Variants in ALS2 observed in about 807,000 individuals in gnomAD.
ALS2 encodes alsin Rho guanine nucleotide exchange factor ALS2, also known as alsin.
Under a neutral mutation model 203.4 loss-of-function variants are expected in ALS2, and 117 were observed. The ratio of observed to expected loss-of-function variants is 0.58; its 90% CI spans 0.50 to 0.67. ALS2 has a LOEUF of 0.67. ALS2 is among the 30% of genes least tolerant of loss of function. The pLI is 0.00. For missense variants in ALS2, 1,715 were observed against 1,989.4 expected, an observed-to-expected ratio of 0.86 and a Z score of 2.62; for synonymous variants, 718 against 725.9, an observed-to-expected ratio of 0.99 and a Z score of 0.17.
intron 21 of ALS2, 65 bp from the exon 22 acceptor site, chr2:201,723,506 T>A: frequency 2.2e-6 from 3 of 1,364,274 alleles, no homozygotes; most frequent in Non-Finnish European, 3.1e-6. Context: ...AAAAGACAAT[T>A]ATCACATGGG....
At chr2:201,713,814 T>C (rs1370398880) in intron 25 of ALS2, among the ~76,000 whole-genome samples, 6 of 152,258 alleles carry the variant, frequency 3.9e-5, no homozygotes. Context: ...TGATATTTAT[T>C]GATTCTCTTT....
In ALS2 at chr2:201,746,748, T is replaced by A. The variant is rs977136303; in HGVS notation, c.1816A>T (p.Ile606Leu). Reference protein sequence around the residue: ...FPTTVPRLAKISSENGVWSIA... With the variant: ...FPTTVPRLAKLSSENGVWSIA... ...CTCCAGACTCCATTTTCACTGCTTA[T>A]CTGCAACGACAGAAAGATAGTGTCT... The change falls in exon 9 of 34, where the codon ATA becomes TTA. Residue 606 changes from isoleucine to leucine, a missense_variant and splice_region_variant. Ile to Leu is a conservative substitution (Grantham distance 5, BLOSUM62 2). Coordinates refer to ENST00000264276, the MANE Select transcript of ALS2 (RefSeq NM_020919.4). 1.9e-6 allele frequency: 3 copies of A among 1,613,994 alleles called. No homozygotes were observed. Among genetic ancestry groups the A allele is most frequent in the Non-Finnish European group, 2.5e-6 (3 of 1,180,024 alleles).
chr2:201,724,646 A>T lies in ALS2; in HGVS notation c.3348-187T>A, dbSNP rs1032984122. 2.6e-5 allele frequency among the ~76,000 whole-genome samples: 4 copies of T among 152,224 alleles called. No individual in the cohort carries two copies. In the South Asian group the frequency reaches 8.3e-4, roughly 32 times the overall value. On this transcript the variant is annotated intron_variant, in intron 20 of 33. Transcript: ENST00000264276. Reference sequence around the variant, plus strand: ...TGATTAAAGTTAAAAAGTTAAAGACACCATGTGTGGTATTTTGCATTAACA... The same window carrying T: ...TGATTAAAGTTAAAAAGTTAAAGACTCCATGTGTGGTATTTTGCATTAACA...
intron 17 of ALS2, 121 bp from the exon 18 acceptor site, chr2:201,726,987 T>C (rs1205222020): frequency 3.2e-6 from 3 of 942,960 alleles, no homozygotes; most frequent in African/African-American, 1.6e-5. Context: ...TTCTTATTAA[T>C]AGAGTAATAT....
intron 3 of ALS2, chr2:201,763,118 A>C (rs776213901): frequency 4.8e-6 from 1 of 206,772 alleles, no homozygotes; most frequent in Non-Finnish European, 9.5e-6. Flanking sequence ...TACAATGGCC[A>C]CTTGCTCCAA....
At chr2:201,719,328 C>T (rs973676381) in intron 23 of ALS2, among the ~76,000 whole-genome samples, 3 of 152,164 alleles carry the variant, frequency 2.0e-5, no homozygotes, top group Non-Finnish European at 2.9e-5. Context: ...CTGTGGCTCA[C>T]GCCTGTAGTA....
At chr2:201,719,327 A>G (rs549346061) in intron 23 of ALS2, among the ~76,000 whole-genome samples, 6 of 152,316 alleles carry the variant, frequency 3.9e-5, no homozygotes, top group African/African-American at 1.2e-4. Flanking sequence ...GCTGTGGCTC[A>G]CGCCTGTAGT....
intron 1 of ALS2, among the ~76,000 whole-genome samples, chr2:201,771,921 G>T (rs536584155): frequency 6.6e-6 from 1 of 152,272 alleles, no homozygotes; most frequent in Admixed American, 6.5e-5. Flanking sequence ...ATGTGATGTT[G>T]CATAAACAGC....
In ALS2 at chr2:201,761,448, G is replaced by A. The variant is rs1234372977; in HGVS notation, c.546C>T (p.Leu182=). 9 of 1,607,564 alleles carry A rather than the reference G, an allele frequency of 5.6e-6. No homozygotes were observed. The highest frequency in any genetic ancestry group is 1.7e-5 in the Admixed American group (1 of 59,882). The stretch of plus-strand genomic sequence containing the variant: ...TTGTCACTGGGAAGGCAGTGGTAAT[G>A]AGACCCAACTGACAACCGGTACCCC... The part of the protein sequence containing the change: ...WAWGTGCQLG[L]ITTAFPVTKP... Residue 182 remains leucine, a synonymous_variant, in exon 4 of 34, where the codon CTC becomes CTT. Coordinates refer to ENST00000264276, the MANE Select transcript of ALS2 (RefSeq NM_020919.4).
intron 3 of ALS2, among the ~76,000 whole-genome samples, chr2:201,766,155 T>C (rs1477026035): frequency 1.3e-5 from 2 of 152,208 alleles, no homozygotes; most frequent in Non-Finnish European, 2.9e-5. Flanking sequence ...CTGATAGACT[T>C]AATGAACAAA....
chr2:201,757,199 GA>G (rs1056094093), intron 5 of ALS2, among the ~76,000 whole-genome samples: 1 of 152,252 alleles, frequency 6.6e-6, no homozygotes, highest in African/African-American at 2.4e-5. Context: ...CAAACATCAA[GA>G]AAAAGTGACG....
At position 201,757,448 on chromosome 2, in the gene ALS2, T is replaced by C. The variant is rs188244939; in HGVS notation, c.1425A>G (p.Thr475=). The change falls in exon 5 of 34, where the codon ACA becomes ACG. Residue 475 remains threonine (T), a synonymous_variant. Transcript: ENST00000264276. ...GGGAGAGTCTTCGACTGCCTCCCTCTGTTTCTTCTTCTCTGATATCCACAA... is the reference window on the plus strand; with the variant it reads ...GGGAGAGTCTTCGACTGCCTCCCTCCGTTTCTTCTTCTCTGATATCCACAA... ...SSLVDIREEE[T]EGGSRRLSLP... 16 of 1,614,108 alleles carry C rather than the reference T, an allele frequency of 9.9e-6. No homozygotes were observed. In the Admixed American group the frequency reaches 1.8e-4, roughly 18 times the overall value.
intron 23 of ALS2, 144 bp downstream of exon 23, chr2:201,722,899 G>T: frequency 3.1e-6 from 2 of 654,966 alleles, no homozygotes; most frequent in Non-Finnish European, 5.3e-6. Context: ...GTGGTGGTTT[G>T]TACAGCCATG....
At chr2:201,752,159 T>A (rs574349005) in intron 7 of ALS2, among the ~76,000 whole-genome samples, 2 of 152,256 alleles carry the variant, frequency 1.3e-5, no homozygotes, top group Admixed American at 6.5e-5. Flanking sequence ...GATTAATGAT[T>A]TAAGAGAGAA....
At position 201,754,515 on chromosome 2, in the gene ALS2, T is replaced by C. The variant is rs1266768871; in HGVS notation, c.1628A>G (p.Asp543Gly). 1 of 1,614,032 alleles carries C rather than the reference T, an allele frequency of 6.2e-7. No homozygotes were observed. The highest frequency in any genetic ancestry group is 8.5e-7 in the Non-Finnish European group (1 of 1,179,980). Residue 543 changes from aspartate to glycine, a missense_variant, in exon 6 of 34, where the codon GAT becomes GGT. This residue lies in a region of ALS2 where 1,227 missense variants were observed against 1,413.5 expected (regional missense o/e 0.87). Coordinates refer to ENST00000264276, the MANE Select transcript of ALS2 (RefSeq NM_020919.4). ...KGKEGQLGHG[D>G]VLPRLQPLCV... ...TGGTAGCGCTTACCTAGGCAGAACATCGCCGTGCCCCAGCTGCCCTTCCTT... is the reference window on the plus strand; with the variant it reads ...TGGTAGCGCTTACCTAGGCAGAACACCGCCGTGCCCCAGCTGCCCTTCCTT...
chr2:201,770,450 A>AT (rs11288181), intron 1 of ALS2, among the ~76,000 whole-genome samples: 4,986 of 151,314 alleles, frequency 0.033, 232 homozygotes, highest in African/African-American at 0.11. Context: ...ACCACCACTC[A>AT]TTTTTTTTTT....
At chr2:201,712,912 G>C (rs1690120317) in intron 25 of ALS2, among the ~76,000 whole-genome samples, 1 of 152,124 alleles carries the variant, frequency 6.6e-6, no homozygotes, top group African/African-American at 2.4e-5. Context: ...GCAGTCATTT[G>C]AATTGCTGAT....
At position 201,742,113 on chromosome 2, in the gene ALS2, G is replaced by A. The variant is rs1292474804; in HGVS notation, c.2171-259C>T. ...TTTTCTGTTAAAAAAGACTCTCCAG[G>A]TGATTTTAAAGATGAGCCAAATTTG... On this transcript the variant is annotated intron_variant, in intron 10 of 33. Transcript: ENST00000264276. Among the ~76,000 whole-genome samples the A allele has an allele frequency of 5.3e-5, 8 of 152,192 alleles. No homozygotes were observed. In the East Asian group the frequency reaches 1.5e-3, roughly 29 times the overall value.
At chr2:201,718,925 A>G (rs1690581866) in intron 23 of ALS2, among the ~76,000 whole-genome samples, 1 of 152,170 alleles carries the variant, frequency 6.6e-6, no homozygotes. Flanking sequence ...CTAACAAACT[A>G]AACCCAAAGC....
Sources: allele counts gnomAD v4.1 joint callset (sites outside exome capture counted in the v4.1 genomes callset), GRCh38; gene constraint gnomAD v4.1.1; regional missense constraint gnomAD v4.1.1; transcripts MANE v1.5; gene names NCBI Gene and HGNC (gene_info 2026-07-23, HGNC 2026-07-21).